Variants in ADGRL2 observed in about 807,000 individuals in gnomAD.
ADGRL2 encodes the protein calcium-independent alpha-latrotoxin receptor 2.
Under a neutral mutation model 157.4 loss-of-function variants are expected in ADGRL2, and 44 were observed. The observed-to-expected ratio is 0.28, with a 90% CI of 0.22 to 0.36. The LOEUF is 0.36. ADGRL2 is among the 10% of genes least tolerant of loss of function. The probability of loss-of-function intolerance (pLI) is 1.00; values close to 1 mark genes in which losing one functional copy is unlikely to be tolerated. For synonymous variants in ADGRL2, 585 were observed against 624.7 expected (o/e 0.94, Z 0.95); for missense variants, 1,510 against 1,768.9 (o/e 0.85, Z 2.63).
chr1:81,876,677 C>G (rs1295093309), intron 2 of ADGRL2, among the ~76,000 whole-genome samples: 9 of 152,110 alleles, frequency 5.9e-5, no homozygotes, highest in Admixed American at 5.9e-4. Context: ...TAATTTGTGA[C>G]TCGAGGGATC....
intron 2 of ADGRL2, among the ~76,000 whole-genome samples, chr1:81,513,189 T>TC (rs1484077826): frequency 6.6e-6 from 1 of 152,304 alleles, no homozygotes; most frequent in Admixed American, 6.5e-5. Context: ...TTTCTAATTA[T>TC]CCCTCAATTG....
At chr1:81,343,169 A>G (rs1318007714) in intron 1 of ADGRL2, among the ~76,000 whole-genome samples, 1 of 143,946 alleles carries the variant, frequency 6.9e-6, no homozygotes, top group Non-Finnish European at 1.5e-5. Flanking sequence ...GTTCACTGCA[A>G]CCCTCCTCCT....
At chr1:81,483,872 A>G (rs1436643786) in intron 2 of ADGRL2, among the ~76,000 whole-genome samples, 1 of 152,216 alleles carries the variant, frequency 6.6e-6, no homozygotes, top group Non-Finnish European at 1.5e-5. Context: ...AAGACTGAAC[A>G]TTCCCTAAAT....
intron 1 of ADGRL2, among the ~76,000 whole-genome samples, chr1:81,815,081 A>AT (rs1362484516): frequency 9.2e-5 from 14 of 151,500 alleles, no homozygotes; most frequent in East Asian, 7.7e-4. Flanking sequence ...TGCTAAAACT[A>AT]TTTTTTTTGA....
rs183650306 is a variant in ADGRL2, at chr1:81,324,867, C to G, written c.-302+18358C>G. ...AGGTAGCTGGGATTGCAGGCGCCCA[C>G]CACCACACCCAGCTAATTTTTGTAC... On this transcript the variant is annotated intron_variant, in intron 1 of 24. Transcript: ENST00000370721. Among the ~76,000 whole-genome samples, 114 of 152,170 alleles carry G rather than the reference C, an allele frequency of 7.5e-4. 1 individual carries two copies. The highest frequency in any genetic ancestry group is 2.6e-3 in the African/African-American group (107 of 41,544).
rs559795079 is a variant in ADGRL2, at chr1:81,341,562, A to G, written c.-302+35053A>G. On this transcript the variant is annotated intron_variant, in intron 1 of 24. Transcript: ENST00000370721. ...CATCAGATTTCTCAACCTAGTAAGC[A>G]TGTATATTAGCCTTATAAAAGCAAG... 6.1e-4 allele frequency among the ~76,000 whole-genome samples: 93 copies of G among 152,274 alleles called. 1 individual carries two copies. Among genetic ancestry groups the G allele is most frequent in the African/African-American group, 2.2e-3 (91 of 41,570 alleles).
chr1:81,660,380 AG>A (rs141869168), intron 3 of ADGRL2, among the ~76,000 whole-genome samples: 2,515 of 152,264 alleles, frequency 0.017, 75 homozygotes, highest in African/African-American at 0.058. Context: ...CAACTCACTG[AG>A]GTTGGAGGTA....
chr1:81,826,838 ATAATATAATGTTAT>A (rs1165464247), intron 1 of ADGRL2, among the ~76,000 whole-genome samples: 1 of 152,182 alleles, frequency 6.6e-6, no homozygotes, highest in African/African-American at 2.4e-5. Context: ...TATTACTACC[ATAATATAATGTTAT>A]TAAAAATTTG....
chr1:81,685,210 G>A (rs2083204595), intron 3 of ADGRL2, among the ~76,000 whole-genome samples: 1 of 152,142 alleles, frequency 6.6e-6, no homozygotes, highest in South Asian at 2.1e-4. Flanking sequence ...CATTGAATTT[G>A]TAGATTGCTT....
rs112949782 is a variant in ADGRL2, at chr1:81,326,052, A to T, written c.-302+19543A>T. 2.5e-3 allele frequency among the ~76,000 whole-genome samples: 377 copies of T among 152,338 alleles called. 2 individuals are homozygous for T. Among genetic ancestry groups the T allele is most frequent in the African/African-American group, 8.6e-3 (357 of 41,572 alleles). On this transcript the variant is annotated intron_variant, in intron 1 of 24. Transcript: ENST00000370721. Reference sequence around the variant, plus strand: ...TTAGGAAGATTCTTTAGTGTGGACTATATAAATATATACAGGTGGAAAGTT... The same window carrying T: ...TTAGGAAGATTCTTTAGTGTGGACTTTATAAATATATACAGGTGGAAAGTT...
At chr1:81,380,486 A>G (rs2076325861) in intron 1 of ADGRL2, among the ~76,000 whole-genome samples, 1 of 152,180 alleles carries the variant, frequency 6.6e-6, no homozygotes, top group Non-Finnish European at 1.5e-5. Context: ...GTTGTTTAAC[A>G]ATGGTTTGAT....
chr1:81,533,364 G>A (rs1198010090), intron 2 of ADGRL2, among the ~76,000 whole-genome samples: 2 of 152,130 alleles, frequency 1.3e-5, no homozygotes, highest in Non-Finnish European at 2.9e-5. Context: ...GGGCAACAGA[G>A]TGAGGCTTCA....
intron 2 of ADGRL2, among the ~76,000 whole-genome samples, chr1:81,459,127 G>C (rs940636437): frequency 6.6e-5 from 10 of 152,190 alleles, no homozygotes; most frequent in African/African-American, 2.4e-4. Flanking sequence ...ATTGGTCTAT[G>C]GGTGGTCTTG....
At chr1:81,774,139 G>A (rs1168196803) in intron 2 of ADGRL2, among the ~76,000 whole-genome samples, 4 of 150,934 alleles carry the variant, frequency 2.7e-5, no homozygotes, top group South Asian at 2.1e-4. Context: ...TGTTATGGCA[G>A]CCCTAGCAAA....
chr1:81,910,606 G>A (rs1472297517), intron 3 of ADGRL2, among the ~76,000 whole-genome samples: 3 of 149,420 alleles, frequency 2.0e-5, no homozygotes, highest in Non-Finnish European at 3.0e-5. Flanking sequence ...TATTAGATAC[G>A]AGACACCTAA....
chr1:81,313,510 G>A (rs762818191), intron 1 of ADGRL2, among the ~76,000 whole-genome samples: 5 of 152,204 alleles, frequency 3.3e-5, no homozygotes, highest in East Asian at 1.9e-4. Flanking sequence ...TTAGCCACTC[G>A]GGTGATAGGT....
chr1:81,434,519 A>G (rs1305186876), intron 1 of ADGRL2, among the ~76,000 whole-genome samples: 3 of 152,110 alleles, frequency 2.0e-5, no homozygotes, highest in African/African-American at 7.2e-5. Context: ...GGGTACCATA[A>G]ATATGTGTTG....
rs562436331 is a variant in ADGRL2, at chr1:81,621,171, T to A, written c.-143+40191T>A. On this transcript the variant is annotated intron_variant, in intron 3 of 24. Coordinates refer to the ADGRL2 transcript ENST00000370721. Reference sequence around the variant, plus strand: ...GATGAGCAGCCCCTCTCTGAAAAGGTCTGGGGAGGGAGTGGACTAGTTTTG... The same window carrying A: ...GATGAGCAGCCCCTCTCTGAAAAGGACTGGGGAGGGAGTGGACTAGTTTTG... Among the ~76,000 whole-genome samples the A allele has an allele frequency of 3.0e-4, 45 of 152,208 alleles. 2 individuals carry two copies. The South Asian group carries it at 9.1e-3, about 31-fold the overall frequency.
rs141757636 is a variant in ADGRL2, at chr1:81,344,990, A to C, written c.-302+38481A>C. 2.5e-3 allele frequency among the ~76,000 whole-genome samples: 378 copies of C among 152,278 alleles called. 2 individuals are homozygous for C. The highest frequency in any genetic ancestry group is 8.6e-3 in the African/African-American group (358 of 41,580). ...ATCTGATTTTGTGACACTGTTGAAA[A>C]ATTATAAAAACTGGTCATGAATTTT... is the stretch of plus-strand genomic sequence containing the variant. On this transcript the variant is annotated intron_variant, in intron 1 of 24. Transcript: ENST00000370721.
Sources: gnomAD v4.1 joint callset for allele counts (sites outside exome capture counted in the v4.1 genomes callset) on GRCh38, gnomAD v4.1.1 for gene constraint, MANE v1.5 for transcripts, NCBI Gene and HGNC (gene_info 2026-07-23, HGNC 2026-07-21) for gene names.